The following IRGM variants were observed in gnomAD, a reference collection of about 807,000 sequenced individuals.
IRGM encodes the protein immunity related GTPase M.
For synonymous variants in IRGM, 98 were observed against 80.6 expected (o/e 1.22, Z -1.16); for missense variants, 288 against 219.9 (o/e 1.31, Z -1.96).
At position 150,883,016 on chromosome 5, in the gene IRGM, C is replaced by G. The variant is rs190584077; in HGVS notation, c.*140+3370C>G. On this transcript the variant is annotated intron_variant and NMD_transcript_variant, in intron 3 of 3. Transcript: ENST00000520549. The stretch of plus-strand genomic sequence containing the variant: ...AAAGGATTAAAATTATTTCAATTAT[C>G]TTTTCCAGCCAAAATGGTATGAAAC... Among the ~76,000 whole-genome samples, 7 of 152,152 alleles carry G rather than the reference C, an allele frequency of 4.6e-5. No homozygotes were observed. In the East Asian group the frequency reaches 1.4e-3, roughly 29 times the overall value.
At chr5:150,892,190 CA>C (rs1754619798) in intron 3 of IRGM, among the ~76,000 whole-genome samples, 1 of 148,746 alleles carries the variant, frequency 6.7e-6, no homozygotes, top group African/African-American at 2.5e-5. Context: ...TAAATGGTGA[CA>C]TTAAGTGTTT....
chr5:150,861,214 C>T (rs1754130879), intron 1 of IRGM, among the ~76,000 whole-genome samples: 1 of 152,174 alleles, frequency 6.6e-6, no homozygotes, highest in Non-Finnish European at 1.5e-5. Flanking sequence ...TTGCTATAGG[C>T]TGGGATTTTA....
At chr5:150,862,801 A>G (rs1174104298) in intron 1 of IRGM, among the ~76,000 whole-genome samples, 1 of 152,226 alleles carries the variant, frequency 6.6e-6, no homozygotes, top group African/African-American at 2.4e-5. Context: ...GGCTAGCAAC[A>G]TTGGAGAGCA....
At chr5:150,887,652 C>T (rs1365240980) in intron 3 of IRGM, among the ~76,000 whole-genome samples, 1 of 75,162 alleles carries the variant, frequency 1.3e-5, no homozygotes, top group Non-Finnish European at 2.7e-5. Flanking sequence ...TTTTCAAGGT[C>T]AAAATGAAAA....
intron 1 of IRGM, among the ~76,000 whole-genome samples, chr5:150,854,292 T>C (rs930187449): frequency 6.6e-6 from 1 of 152,138 alleles, no homozygotes; most frequent in Non-Finnish European, 1.5e-5. Flanking sequence ...TTTATAATTA[T>C]TTTTGTGAAT....
chr5:150,861,217 GGA>G (rs1754130993), intron 1 of IRGM, among the ~76,000 whole-genome samples: 1 of 152,130 alleles, frequency 6.6e-6, no homozygotes, highest in Non-Finnish European at 1.5e-5. Context: ...CTATAGGCTG[GGA>G]TTTTACATGG....
chr5:150,884,514 T>G (rs957499110), intron 3 of IRGM, among the ~76,000 whole-genome samples: 4 of 152,192 alleles, frequency 2.6e-5, no homozygotes, highest in Admixed American at 2.6e-4. Context: ...CCACAATAGT[T>G]GAACTAATTT....
At chr5:150,886,724 T>C (rs979421695) in intron 3 of IRGM, among the ~76,000 whole-genome samples, 1 of 152,202 alleles carries the variant, frequency 6.6e-6, no homozygotes, top group Admixed American at 6.6e-5. Flanking sequence ...GTTATTCTTA[T>C]TCCTATGGGG....
chr5:150,869,012 A>G (rs1754245398), intron 1 of IRGM, among the ~76,000 whole-genome samples: 1 of 152,054 alleles, frequency 6.6e-6, no homozygotes, highest in African/African-American at 2.4e-5. Flanking sequence ...CAGGACTTCC[A>G]GTACTATGTT....
intron 1 of IRGM, among the ~76,000 whole-genome samples, chr5:150,876,702 A>G (rs1754367400): frequency 1.3e-5 from 2 of 152,096 alleles, no homozygotes; most frequent in East Asian, 1.9e-4. Flanking sequence ...TGGGTTCCAG[A>G]CCCCTCAGGA....
At chr5:150,900,680 T>A (rs1754965519) in exon 4 of IRGM, 1 of 152,100 alleles carries the variant, frequency 6.6e-6, no homozygotes. Flanking sequence ...AAGAAACGTT[T>A]GTTAAATGAA....
At chr5:150,870,351 T>C (rs536015545) in intron 1 of IRGM, among the ~76,000 whole-genome samples, 2 of 152,188 alleles carry the variant, frequency 1.3e-5, no homozygotes, top group Admixed American at 6.5e-5. Context: ...GCCCTTGATT[T>C]TTGACAAAGC....
Position 150,882,530 on chromosome 5 carries a change from A to G in IRGM, c.*140+2884A>G, listed in dbSNP as rs79026229. On this transcript the variant is annotated intron_variant and NMD_transcript_variant, in intron 3 of 3. Transcript: ENST00000520549. ...TGGAAAGAAAGTGAAAGGATGAAAA[A>G]AGATAAACCATGTAAATAAAAACCA... is the stretch of plus-strand genomic sequence containing the variant. Among the ~76,000 whole-genome samples, 844 of 152,300 alleles carry G rather than the reference A, an allele frequency of 5.5e-3. 9 individuals carry two copies. Among genetic ancestry groups the G allele is most frequent in the African/African-American group, 0.019 (799 of 41,574 alleles).
chr5:150,880,036 C>T (rs2113286554), intron 3 of IRGM, among the ~76,000 whole-genome samples: 1 of 152,272 alleles, frequency 6.6e-6, no homozygotes, highest in Non-Finnish European at 1.5e-5. Context: ...TGTGTGCTTG[C>T]TAGTGGATGG....
At chr5:150,847,394 G>C (rs557492132) in intron 1 of IRGM, 174 bp downstream of exon 1, 1 of 152,406 alleles carries the variant, frequency 6.6e-6, no homozygotes, top group African/African-American at 2.4e-5. Context: ...TTAGGATAGA[G>C]TAAAAGAGGG....
intron 3 of IRGM, chr5:150,896,367 T>G (rs767156039): frequency 6.2e-7 from 1 of 1,613,662 alleles, no homozygotes; most frequent in South Asian, 1.1e-5. Context: ...CTTTCCAGTA[T>G]GAATTCTTTG....
chr5:150,898,351 A>G, intron 3 of IRGM: 2 of 1,610,410 alleles, frequency 1.2e-6, no homozygotes. Context: ...TATGTCAGGA[A>G]CAATCTAATC....
At chr5:150,898,336 T>C in intron 3 of IRGM, 1 of 1,606,420 alleles carries the variant, frequency 6.2e-7, no homozygotes, top group East Asian at 2.2e-5. Flanking sequence ...ATAAAAGTCA[T>C]GACATATGTC....
At chr5:150,849,605 CTTTT>C (rs922246775), downstream of IRGM, among the ~76,000 whole-genome samples, 13 of 128,384 alleles carry the variant, frequency 1.0e-4, no homozygotes, top group Non-Finnish European at 1.3e-4. Context: ...CTTTTTCTCT[CTTTT>C]TTTTTTTTTT....
Sources: allele counts gnomAD v4.1 joint callset (sites outside exome capture counted in the v4.1 genomes callset), GRCh38; gene constraint gnomAD v4.1.1; transcripts MANE v1.5; gene names NCBI Gene and HGNC (gene_info 2026-07-23, HGNC 2026-07-21).